Variants in ADAP1 observed in about 807,000 individuals in gnomAD.
ADAP1 encodes the protein ArfGAP with dual PH domains 1.
In ADAP1, 31 loss-of-function variants were observed where a neutral mutation model predicts 54.9. That is an observed-to-expected ratio of 0.56 (90% CI 0.42 to 0.76). The LOEUF (loss-of-function observed/expected upper bound fraction) is 0.76. Among genes scored for constraint, ADAP1 ranks in the 30% least tolerant of loss-of-function variants. The pLI, the probability that ADAP1 is intolerant of heterozygous loss-of-function variation, is 0.00. For missense variants in ADAP1, 535 were observed against 512.4 expected, an observed-to-expected ratio of 1.04 and a Z score of -0.42; for synonymous variants, 313 against 202.6, an observed-to-expected ratio of 1.55 and a Z score of -4.63.
Position 920,403 on chromosome 7 carries a change from C to T in ADAP1, c.306-353G>A, listed in dbSNP as rs1846143370. On this transcript the variant is annotated intron_variant, in intron 3 of 10. Transcript: ENST00000265846. This position sits in a 1 kb window ranked among gnomAD's most constrained non-coding sequence, Gnocchi z 4.5. ...TGGGGTACAGGGGTTGAGCCAGGCC[C>T]CCCCACCCCGAGTCACACGCCCCTG... 6.6e-6 allele frequency among the ~76,000 whole-genome samples: 1 copy of T among 151,878 alleles called. No homozygotes were observed.
intron 4 of ADAP1, among the ~76,000 whole-genome samples, chr7:919,131 C>G (rs1008624686): frequency 6.6e-6 from 1 of 152,212 alleles, no homozygotes; most frequent in Non-Finnish European, 1.5e-5. Flanking sequence ...GTTTCTGCCA[C>G]CCGAGGGCCC....
At chr7:936,934 C>A (rs900694652) in intron 1 of ADAP1, among the ~76,000 whole-genome samples, 1 of 152,212 alleles carries the variant, frequency 6.6e-6, no homozygotes, top group Non-Finnish European at 1.5e-5. Flanking sequence ...CCATGCCAGG[C>A]GGCGGAGGCC....
intron 9 of ADAP1, 77 bp downstream of exon 9, chr7:899,342 C>T (rs1343341131): frequency 1.9e-6 from 3 of 1,604,294 alleles, no homozygotes; most frequent in Non-Finnish European, 1.7e-6. Context: ...GGGAGGCCAC[C>T]CGCCCTCCTG....
At chr7:909,274 GGCGCC>G (rs1347714218) in intron 4 of ADAP1, among the ~76,000 whole-genome samples, 8 of 40,880 alleles carry the variant, frequency 2.0e-4, no homozygotes, top group South Asian at 8.8e-4. Context: ...CCCGACAGCA[GGCGCC>G]AGCGGGAACC....
intron 4 of ADAP1, among the ~76,000 whole-genome samples, chr7:906,978 G>A (rs1010078837): frequency 2.0e-5 from 3 of 152,142 alleles, no homozygotes; most frequent in Non-Finnish European, 4.4e-5. Flanking sequence ...GAGTGGACAT[G>A]GCCAGAGCCA....
intron 4 of ADAP1, among the ~76,000 whole-genome samples, chr7:912,298 C>T (rs1164622783): frequency 6.6e-6 from 1 of 152,154 alleles, no homozygotes; most frequent in African/African-American, 2.4e-5. Context: ...ATTGTCCAGG[C>T]CCCTGTGAAA....
intron 1 of ADAP1, among the ~76,000 whole-genome samples, chr7:936,550 G>C (rs1027767559): frequency 6.6e-6 from 1 of 152,198 alleles, no homozygotes; most frequent in Admixed American, 6.5e-5. Flanking sequence ...ATTCTGAAAC[G>C]GCAAAATGTG....
chr7:954,300 C>T, intron 1 of ADAP1, 96 bp downstream of exon 1: 10 of 981,450 alleles, frequency 1.0e-5, no homozygotes, highest in Non-Finnish European at 1.2e-5. Flanking sequence ...CGTCCGCGCT[C>T]CCCCGCCCGG....
rs759918522 is a variant in ADAP1, at chr7:904,319, G to C, written c.502-47C>G. On this transcript the variant is annotated intron_variant, in intron 5 of 10. Transcript: ENST00000265846. ...GCACCTCACAGGGGCCGTCGTCCAA[G>C]CTCAAGGGAGCAGGAAGGGCAGACC... 4 of 1,525,336 alleles carry C rather than the reference G, an allele frequency of 2.6e-6. No individual in the cohort carries two copies. The South Asian group carries it at 3.8e-5, about 15-fold the overall frequency. The allele number at this position is 1,525,336 out of a possible 1,614,324, so 94.5% of individuals were successfully genotyped here.
chr7:919,441 C>A (rs1218557616), intron 4 of ADAP1, among the ~76,000 whole-genome samples: 1 of 151,930 alleles, frequency 6.6e-6, no homozygotes, highest in African/African-American at 2.4e-5. Flanking sequence ...TCACGTCACT[C>A]AGAGGGCAAA....
chr7:898,825 GC>G lies in ADAP1; in HGVS notation c.*95del. 2.0e-6 allele frequency: 3 copies of G among 1,512,460 alleles called. No homozygotes were observed. The highest frequency in any genetic ancestry group is 2.7e-6 in the Non-Finnish European group (3 of 1,121,036). The allele number at this position is 1,512,460 out of a possible 1,614,324, so 93.7% of individuals were successfully genotyped here. A position where few individuals can be genotyped will look rare whatever the true frequency, so the allele number is the denominator to read the frequency against. Reference sequence around the variant, plus strand: ...CGGGCTGCCCTGAGGAGCAGGTGGGGCCAGGTGGCCTCAGGACGCCAGAGCC... The same window carrying G: ...CGGGCTGCCCTGAGGAGCAGGTGGGGCAGGTGGCCTCAGGACGCCAGAGCC... On this transcript the variant is annotated 3_prime_UTR_variant, in exon 11 of 11. Transcript: ENST00000265846.
At position 919,468 on chromosome 7, in the gene ADAP1, G is replaced by A. The variant is rs969213280; in HGVS notation, c.388+500C>T. Among the ~76,000 whole-genome samples, 4 of 151,716 alleles carry A rather than the reference G, an allele frequency of 2.6e-5. No individual in the cohort carries two copies. The East Asian group carries it at 5.9e-4, about 22-fold the overall frequency. ...GAGGGCAAAACAGGTCCGGGGACGC[G>A]GGTTCAAACTCACGAGTGTGTTACC... On this transcript the variant is annotated intron_variant, in intron 4 of 10. Coordinates refer to ENST00000265846, the MANE Select transcript of ADAP1 (RefSeq NM_006869.4).
intron 3 of ADAP1, among the ~76,000 whole-genome samples, chr7:922,394 G>A (rs890218562): frequency 6.6e-6 from 1 of 152,170 alleles, no homozygotes; most frequent in African/African-American, 2.4e-5. Context: ...CCGGGCAGGT[G>A]CTCAGGGCGA....
chr7:926,904 T>G lies in ADAP1; in HGVS notation c.214-260A>C. 1.8e-6 allele frequency: 2 copies of G among 1,103,224 alleles called. No homozygotes were observed. Among genetic ancestry groups the G allele is most frequent in the Non-Finnish European group, 2.4e-6 (2 of 826,218 alleles). The allele number at this position is 1,103,224 out of a possible 1,614,324, so 68.3% of individuals were successfully genotyped here. On this transcript the variant is annotated intron_variant, in intron 2 of 10. Transcript: ENST00000265846. The surrounding 1 kb of genome is among the most constrained non-coding windows in gnomAD (Gnocchi z 4.6). ...AAGGGGGCCCAGGGGCCAGGCCCCT[T>G]TTGAGGATGGGTCTGAGGTTTGCCC...
chr7:914,538 A>G (rs894262676), intron 4 of ADAP1, among the ~76,000 whole-genome samples: 2 of 152,064 alleles, frequency 1.3e-5, no homozygotes, highest in Admixed American at 6.5e-5. Context: ...CTGCTGCTGC[A>G]CCCACCCAGA....
At chr7:944,697 G>A (rs1247292324) in intron 1 of ADAP1, among the ~76,000 whole-genome samples, 3 of 152,176 alleles carry the variant, frequency 2.0e-5, no homozygotes, top group African/African-American at 7.2e-5. Flanking sequence ...CCTCAAGCGT[G>A]TATCATTTCT....
rs777468071 is a variant in ADAP1, at chr7:905,023, G to C, written c.501+37C>G. 2.8e-5 allele frequency: 44 copies of C among 1,579,636 alleles called. No individual in the cohort carries two copies. In the Admixed American group the frequency reaches 6.8e-4, roughly 25 times the overall value. ...GTGTGGGAGGCCGGGATGCCGCCCT[G>C]GGACAGGCCCCCACCCCACCCCCGT... On this transcript the variant is annotated intron_variant, in intron 5 of 10. Transcript: ENST00000265846.
At chr7:954,375 G>A (rs1444598532) in intron 1 of ADAP1, 21 bp downstream of exon 1, 1 of 943,770 alleles carries the variant, frequency 1.1e-6, no homozygotes, top group Non-Finnish European at 1.3e-6. Flanking sequence ...CCGGCCCCGC[G>A]CCCACCCGGC....
At chr7:919,905 G>GGAGGGAGGGAAAGAGAT in intron 4 of ADAP1, 63 bp downstream of exon 4, 1 of 1,242,066 alleles carries the variant, frequency 8.1e-7, no homozygotes, top group South Asian at 1.3e-5. Flanking sequence ...AAGAGATGGG[G>GGAGGGAGGGAAAGAGAT]GAGGGAGGGA....
Sources: gnomAD v4.1 joint callset for allele counts (sites outside exome capture counted in the v4.1 genomes callset) on GRCh38, gnomAD v4.1.1 for gene constraint, Gnocchi (gnomAD v3.1) non-coding constraint, MANE v1.5 for transcripts, NCBI Gene and HGNC (gene_info 2026-07-23, HGNC 2026-07-21) for gene names.